Variants in CELF2 observed in about 807,000 individuals in gnomAD.
The protein encoded by CELF2 is CUG triplet repeat RNA-binding protein 2.
In CELF2, 8 loss-of-function variants were observed where a neutral mutation model predicts 62.6. The ratio of observed to expected loss-of-function variants is 0.13; its 90% CI spans 0.07 to 0.23. The LOEUF is 0.23. Ranked by LOEUF, CELF2 falls within the 10% of genes least tolerant of loss-of-function variation. The pLI, the probability that CELF2 is intolerant of heterozygous loss-of-function variation, is 1.00. For missense variants in CELF2, 333 were observed against 671.0 expected (o/e 0.50, Z 5.56); for synonymous variants, 258 against 250.0 (o/e 1.03, Z -0.30).
chr10:10,490,980 T>G, the CELF2 span, among the ~76,000 whole-genome samples: 1 of 152,322 alleles, frequency 6.6e-6, no homozygotes, highest in South Asian at 2.1e-4. Context: ...GTATGAAGTT[T>G]TCACTTAATT....
At chr10:10,720,064 G>T in the CELF2 span, among the ~76,000 whole-genome samples, 1 of 152,086 alleles carries the variant, frequency 6.6e-6, no homozygotes, top group Non-Finnish European at 1.5e-5. Flanking sequence ...GATCCACTTG[G>T]GCTGCGTTTC....
intron 2 of CELF2, among the ~76,000 whole-genome samples, chr10:11,198,426 A>G (rs2058487073): frequency 1.3e-5 from 2 of 152,252 alleles, no homozygotes; most frequent in Admixed American, 1.3e-4. Flanking sequence ...CCTGGGAGGC[A>G]GAACACTTAA....
the CELF2 span, among the ~76,000 whole-genome samples, chr10:10,464,943 A>T: frequency 4.6e-5 from 7 of 152,230 alleles, no homozygotes; most frequent in African/African-American, 1.7e-4. Context: ...AAGTGCTATG[A>T]CATTACAGGC....
Position 11,333,524 on chromosome 10 carries a change from T to TTATC in CELF2, c.*4473_*4476dup, listed in dbSNP as rs1181476772. 6.6e-6 allele frequency: 1 copy of TTATC among 152,392 alleles called. No homozygotes were observed. The highest frequency in any genetic ancestry group is 1.5e-5 in the Non-Finnish European group (1 of 68,026). 9.4% of individuals were successfully genotyped at this position (152,392 alleles called of 1,614,324 possible). A position where few individuals can be genotyped will look rare whatever the true frequency, so the allele number is the denominator to read the frequency against. ...GGAATCATTTTACTGTTTGTTTTTA[T>TTATC]TATCTTAAGTGCTAATTAAAAAAAA... On this transcript the variant is annotated 3_prime_UTR_variant, in exon 13 of 13. Transcript: ENST00000633077.
the CELF2 span, among the ~76,000 whole-genome samples, chr10:10,656,978 G>A: frequency 6.7e-6 from 1 of 149,398 alleles, no homozygotes; most frequent in Non-Finnish European, 1.5e-5. Flanking sequence ...AATGTTAATA[G>A]CAGCATTGTT....
intron 1 of CELF2, among the ~76,000 whole-genome samples, chr10:10,851,498 G>A (rs879784409): frequency 6.6e-6 from 1 of 152,152 alleles, no homozygotes; most frequent in Admixed American, 6.5e-5. Flanking sequence ...CTAGAAGAAA[G>A]CATCAGAGAA....
At chr10:10,604,789 A>C in the CELF2 span, among the ~76,000 whole-genome samples, 2 of 152,254 alleles carry the variant, frequency 1.3e-5, no homozygotes, top group African/African-American at 2.4e-5. Flanking sequence ...CTTAATCCTT[A>C]TATGAAAATT....
At chr10:11,264,238 C>T (rs1335787777) in intron 5 of CELF2, among the ~76,000 whole-genome samples, 1 of 152,206 alleles carries the variant, frequency 6.6e-6, no homozygotes, top group Admixed American at 6.5e-5. Flanking sequence ...TAATACTTCT[C>T]TTCTGAGGCC....
rs1386922548 is a variant in CELF2 at position 11,309,975 on chromosome 10, C to T, written c.977-4164C>T. Among the ~76,000 whole-genome samples, 8 of 152,200 alleles carry T rather than the reference C, an allele frequency of 5.3e-5. No homozygotes were observed. The highest frequency in any genetic ancestry group is 1.2e-4 in the Non-Finnish European group (8 of 68,040). ...GTGGCCTGCTTTTCTGTGAATGACA[C>T]CTCTGGTCTACAGGAAGGGTACTGT... On this transcript the variant is annotated intron_variant, in intron 9 of 12. Coordinates refer to ENST00000633077, the MANE Select transcript of CELF2 (RefSeq NM_001326342.2). The surrounding 1 kb of genome is among the most constrained non-coding windows in gnomAD (Gnocchi z 5.6).
chr10:11,303,825 C>T (rs1280021687), intron 9 of CELF2, among the ~76,000 whole-genome samples: 1 of 152,202 alleles, frequency 6.6e-6, no homozygotes, highest in African/African-American at 2.4e-5. Context: ...ACTTTGCAGC[C>T]AGACCCCTGG....
the CELF2 span, among the ~76,000 whole-genome samples, chr10:10,752,642 A>T: frequency 1.5e-5 from 2 of 134,872 alleles, no homozygotes; most frequent in East Asian, 4.5e-4. Flanking sequence ...GTGAGCCGAG[A>T]TTGCACCACT....
chr10:11,031,112 T>G (rs552100859), intron 1 of CELF2, among the ~76,000 whole-genome samples: 2 of 152,356 alleles, frequency 1.3e-5, no homozygotes, highest in South Asian at 4.1e-4. Context: ...ATGCTTGGCC[T>G]TCTCAGGTGG....
the CELF2 span, among the ~76,000 whole-genome samples, chr10:10,728,832 A>G: frequency 3.3e-5 from 5 of 152,194 alleles, no homozygotes; most frequent in Admixed American, 2.6e-4. Flanking sequence ...AAGCCACGAG[A>G]ACATGAACTG....
chr10:11,057,337 A>G (rs1156314228), intron 1 of CELF2, among the ~76,000 whole-genome samples: 1 of 152,240 alleles, frequency 6.6e-6, no homozygotes, highest in Admixed American at 6.5e-5. Flanking sequence ...CTTTTGCTCT[A>G]CTAGCATGAC....
rs191884718 is a variant in CELF2 at position 11,258,819 on chromosome 10, T to C, written c.538+947T>C. ...CCCCTGCCTCAGCCTCCCGAGGAGCTGGGACGACAGGTGCACGCTACCACG... is the reference window on the plus strand; with the variant it reads ...CCCCTGCCTCAGCCTCCCGAGGAGCCGGGACGACAGGTGCACGCTACCACG... On this transcript the variant is annotated intron_variant, in intron 5 of 12. Coordinates refer to ENST00000633077, the MANE Select transcript of CELF2 (RefSeq NM_001326342.2). Among the ~76,000 whole-genome samples, 278 of 152,340 alleles carry C rather than the reference T, an allele frequency of 1.8e-3. 2 individuals carry two copies. Among genetic ancestry groups the C allele is most frequent in the Middle Eastern group, 3.4e-3 (1 of 294 alleles).
chr10:10,521,369 G>A, the CELF2 span, among the ~76,000 whole-genome samples: 1 of 152,118 alleles, frequency 6.6e-6, no homozygotes, highest in African/African-American at 2.4e-5. Flanking sequence ...CAAAATGCCT[G>A]GGAAGCTATT....
At chr10:11,254,246 C>G (rs1016412877) in intron 4 of CELF2, among the ~76,000 whole-genome samples, 1 of 152,210 alleles carries the variant, frequency 6.6e-6, no homozygotes, top group African/African-American at 2.4e-5. Flanking sequence ...GTTCAGTATT[C>G]CCCATATTGC....
At chr10:10,965,219 T>C (rs2049994085) in intron 2 of CELF2, among the ~76,000 whole-genome samples, 1 of 152,130 alleles carries the variant, frequency 6.6e-6, no homozygotes, top group Non-Finnish European at 1.5e-5. Flanking sequence ...GAATATCCTA[T>C]GGTATGGTTT....
chr10:11,090,672 T>G (rs903546156), intron 1 of CELF2, among the ~76,000 whole-genome samples: 5 of 152,212 alleles, frequency 3.3e-5, no homozygotes, highest in Non-Finnish European at 7.3e-5. Context: ...TATATCTACA[T>G]AATAGAATAC....
Sources: allele counts gnomAD v4.1 joint callset (sites outside exome capture counted in the v4.1 genomes callset), GRCh38; gene constraint gnomAD v4.1.1; non-coding constraint Gnocchi (gnomAD v3.1); transcripts MANE v1.5; gene names NCBI Gene and HGNC (gene_info 2026-07-23, HGNC 2026-07-21).